Variants in USP32 observed in about 807,000 individuals in gnomAD.
USP32 encodes the protein ubiquitin specific peptidase 32, also known as ubiquitin carboxyl-terminal hydrolase 32.
A neutral mutation model predicts 204.8 loss-of-function variants in USP32; 59 were observed. That is an observed-to-expected ratio of 0.29 (90% CI 0.23 to 0.36). The LOEUF (loss-of-function observed/expected upper bound fraction) is 0.36, where lower values mean the gene tolerates loss of function less well. USP32 is among the 10% of genes least tolerant of loss of function. The probability of loss-of-function intolerance (pLI) is 1.00; values close to 1 mark genes in which losing one functional copy is unlikely to be tolerated. For synonymous variants in USP32, 517 were observed against 678.4 expected (o/e 0.76, Z 3.70); for missense variants, 1,160 against 1,946.4 (o/e 0.60, Z 7.60).
At chr17:60,186,678 G>C (rs1340197636) in intron 29 of USP32, among the ~76,000 whole-genome samples, 1 of 152,196 alleles carries the variant, frequency 6.6e-6, no homozygotes, top group Admixed American at 6.5e-5. Flanking sequence ...TTAGGCTGTG[G>C]AGCAAGGAGG....
intron 1 of USP32, among the ~76,000 whole-genome samples, chr17:60,372,982 T>C (rs2089469529): frequency 2.0e-5 from 3 of 151,088 alleles, no homozygotes; most frequent in Admixed American, 2.0e-4. Flanking sequence ...CTGGCTAACA[T>C]AGCGAGGTCT....
At chr17:60,256,463 A>G (rs1470496260) in intron 9 of USP32, among the ~76,000 whole-genome samples, 1 of 152,158 alleles carries the variant, frequency 6.6e-6, no homozygotes, top group East Asian at 1.9e-4. Context: ...AGTACAGCAG[A>G]GGTCCTTGAA....
chr17:60,183,083 T>C, intron 31 of USP32, 82 bp downstream of exon 31: 1 of 1,492,280 alleles, frequency 6.7e-7, no homozygotes, highest in African/African-American at 1.4e-5. Flanking sequence ...ACCAACCTGA[T>C]GTTCCAGAAC....
intron 15 of USP32, among the ~76,000 whole-genome samples, chr17:60,222,095 G>A (rs76869906): frequency 0.021 from 3,217 of 152,180 alleles, 136 homozygotes; most frequent in African/African-American, 0.073. Context: ...TCTGCATCAC[G>A]CCCTACATTC....
At chr17:60,412,405 T>C (rs1447077735) in intron 1 of USP32, among the ~76,000 whole-genome samples, 1 of 136,830 alleles carries the variant, frequency 7.3e-6, no homozygotes, top group Non-Finnish European at 1.6e-5. Flanking sequence ...TAGTGGGGAA[T>C]GGGGGCGGTG....
chr17:60,313,425 A>T (rs530614820), intron 2 of USP32, among the ~76,000 whole-genome samples: 1 of 152,294 alleles, frequency 6.6e-6, no homozygotes, highest in East Asian at 1.9e-4. Context: ...TCATAATACT[A>T]ACCATGTCTT....
At chr17:60,235,470 G>T (rs1366071887) in intron 12 of USP32, among the ~76,000 whole-genome samples, 1 of 152,182 alleles carries the variant, frequency 6.6e-6, no homozygotes, top group Non-Finnish European at 1.5e-5. Flanking sequence ...AATGTAAAAA[G>T]TATGTAACTA....
chr17:60,403,540 A>T (rs537885771), intron 1 of USP32, among the ~76,000 whole-genome samples: 1 of 152,288 alleles, frequency 6.6e-6, no homozygotes, highest in African/African-American at 2.4e-5. Context: ...CTAGGATCTC[A>T]TCATCTAGAT....
intron 4 of USP32, 97 bp from the exon 5 acceptor site, chr17:60,288,779 C>T: frequency 3.1e-6 from 3 of 969,822 alleles, no homozygotes; most frequent in Non-Finnish European, 4.6e-6. Context: ...TGGCAATTAC[C>T]TTTCTGCTGT....
intron 1 of USP32, among the ~76,000 whole-genome samples, chr17:60,354,074 T>G (rs1308456881): frequency 6.6e-6 from 1 of 152,232 alleles, no homozygotes; most frequent in Non-Finnish European, 1.5e-5. Context: ...ATTAAATCCA[T>G]TTTTGTAAAG....
At chr17:60,185,407 T>G (rs1303486672) in intron 30 of USP32, 53 bp downstream of exon 30, 9 of 1,493,382 alleles carry the variant, frequency 6.0e-6, no homozygotes, top group African/African-American at 1.4e-5. Flanking sequence ...TGTTCATGTC[T>G]TCTTTCTTTT....
chr17:60,314,981 G>A (rs1428703808), intron 2 of USP32, among the ~76,000 whole-genome samples: 2 of 152,070 alleles, frequency 1.3e-5, no homozygotes, highest in Non-Finnish European at 2.9e-5. Flanking sequence ...ACAACAAAAT[G>A]ACCACTCAAT....
At chr17:60,202,886 G>C (rs1322253567) in intron 26 of USP32, among the ~76,000 whole-genome samples, 1 of 145,418 alleles carries the variant, frequency 6.9e-6, no homozygotes. Flanking sequence ...TGGATTGTCT[G>C]GGTGGGCCCT....
At chr17:60,283,311 T>G (rs984720781) in intron 5 of USP32, among the ~76,000 whole-genome samples, 1 of 152,188 alleles carries the variant, frequency 6.6e-6, no homozygotes, top group Non-Finnish European at 1.5e-5. Flanking sequence ...CATGGGAAAT[T>G]AAGTCAAGGA....
At chr17:60,298,777 A>G (rs2087501361) in intron 3 of USP32, among the ~76,000 whole-genome samples, 1 of 152,294 alleles carries the variant, frequency 6.6e-6, no homozygotes, top group South Asian at 2.1e-4. Flanking sequence ...GGATACATTC[A>G]TTATCTTGAT....
chr17:60,236,047 G>T, intron 12 of USP32, 91 bp downstream of exon 12: 1 of 982,934 alleles, frequency 1.0e-6, no homozygotes. Context: ...TTTTATTATT[G>T]GCTGGTAGTC....
intron 8 of USP32, 80 bp downstream of exon 8, chr17:60,265,896 T>C (rs1036524168): frequency 7.2e-6 from 8 of 1,113,002 alleles, no homozygotes; most frequent in Non-Finnish European, 1.1e-5. Flanking sequence ...CAAATTATTT[T>C]ATGCTTTTAA....
rs1202260038 is a variant in USP32, at chr17:60,331,565, C to CA, written c.186+13915dup. Among the ~76,000 whole-genome samples, 18 of 140,664 alleles carry CA rather than the reference C, an allele frequency of 1.3e-4. 1 individual carries two copies. The highest frequency in any genetic ancestry group is 3.6e-4 in the Admixed American group (5 of 13,896). The allele number at this position is 140,664 out of a possible 152,430, so 92.3% of individuals were successfully genotyped here. A position where few individuals can be genotyped will look rare whatever the true frequency, so the allele number is the denominator to read the frequency against. On this transcript the variant is annotated intron_variant, in intron 2 of 33. Transcript: ENST00000300896. Reference sequence around the variant, plus strand: ...TGGCCACCAGAGTAAGACCCCATCTCAAAAAAAAATAAAATAAACTTTAAT... The same window carrying CA: ...TGGCCACCAGAGTAAGACCCCATCTCAAAAAAAAAATAAAATAAACTTTAAT...
chr17:60,183,524 A>T (rs1405243368), intron 30 of USP32, 71 bp from the exon 31 acceptor site: 11 of 1,491,058 alleles, frequency 7.4e-6, no homozygotes, highest in South Asian at 1.4e-5. Flanking sequence ...TGGAAAAAAC[A>T]AGTCAAATAC....
Sources: allele counts gnomAD v4.1 joint callset (sites outside exome capture counted in the v4.1 genomes callset), GRCh38; gene constraint gnomAD v4.1.1; transcripts MANE v1.5; gene names NCBI Gene and HGNC (gene_info 2026-07-23, HGNC 2026-07-21).